The following CFAP298 variants were observed in gnomAD, a reference collection of about 807,000 sequenced individuals.
CFAP298 encodes the protein cilia and flagella associated protein 298, also known as cilia- and flagella-associated protein 298.
In CFAP298, 38 loss-of-function variants were observed where a neutral mutation model predicts 41.0. The ratio of observed to expected loss-of-function variants is 0.93; its 90% CI spans 0.72 to 1.22. The LOEUF is 1.22. CFAP298 is among the 50% of genes most tolerant of loss of function. The pLI is 0.00. For missense variants in CFAP298, 348 were observed against 360.3 expected (o/e 0.97, Z 0.28); for synonymous variants, 137 against 135.3 (o/e 1.01, Z -0.09).
chr21:32,604,653 G>C, intron 3 of CFAP298: 1 of 222,076 alleles, frequency 4.5e-6, no homozygotes, highest in South Asian at 7.5e-5. Flanking sequence ...GGCAGCAGGT[G>C]CTTCAGGACA....
In CFAP298 at chr21:32,607,726, TA is replaced by T; in HGVS notation, c.308-11del. 2 of 1,550,672 alleles carry T rather than the reference TA, an allele frequency of 1.3e-6. No homozygotes were observed. Among genetic ancestry groups the T allele is most frequent in the South Asian group, 1.1e-5 (1 of 87,086 alleles). Reference sequence around the variant, plus strand: ...ATCTTCTCATTTGGAGCTATAAAAATAAAAAGGAGAGAGGGAGAAAGAGCTG... The same window carrying T: ...ATCTTCTCATTTGGAGCTATAAAAATAAAAGGAGAGAGGGAGAAAGAGCTG... On this transcript the variant is annotated splice_polypyrimidine_tract_variant and intron_variant, in intron 2 of 6. Transcript: ENST00000290155.
At chr21:32,611,579 GC>G (rs1860654924) in intron 1 of CFAP298, among the ~76,000 whole-genome samples, 1 of 151,786 alleles carries the variant, frequency 6.6e-6, no homozygotes, top group Admixed American at 6.6e-5. Context: ...CAAAGCGGGT[GC>G]CCTGGAACCT....
At chr21:32,605,160 C>A (rs1274278648) in intron 3 of CFAP298, among the ~76,000 whole-genome samples, 5 of 152,150 alleles carry the variant, frequency 3.3e-5, no homozygotes, top group African/African-American at 1.2e-4. Flanking sequence ...GCTTGGGCAA[C>A]AGAATAAGAC....
rs2038710822 is a variant in CFAP298 at position 32,600,018 on chromosome 21, A to T, written c.*1845T>A. The stretch of plus-strand genomic sequence containing the variant: ...TCAGTAAGACTTTCTAATGATATTG[A>T]AGTAGTAGTTCCCTGAAAAGAGCTA... On this transcript the variant is annotated 3_prime_UTR_variant, in exon 7 of 7. Transcript: ENST00000290155. Among the ~76,000 whole-genome samples, 1 of 152,198 alleles carries T rather than the reference A, an allele frequency of 6.6e-6. No individual in the cohort carries two copies.
In CFAP298 at chr21:32,612,094, G is replaced by C; in HGVS notation, c.139+11C>G. ...CGATCTGTCCGGGATGGGCCCACCC[G>C]CGAGCCGCACCTGAGCAGAGGCGCT... is the stretch of plus-strand genomic sequence containing the variant. On this transcript the variant is annotated intron_variant, in intron 1 of 6. Transcript: ENST00000290155. 1 of 1,544,720 alleles carries C rather than the reference G, an allele frequency of 6.5e-7. No individual in the cohort carries two copies. The highest frequency in any genetic ancestry group is 8.7e-7 in the Non-Finnish European group (1 of 1,145,110).
intron 1 of CFAP298, among the ~76,000 whole-genome samples, chr21:32,611,181 G>A (rs1207273682): frequency 6.6e-6 from 1 of 151,244 alleles, no homozygotes; most frequent in Non-Finnish European, 1.5e-5. Flanking sequence ...GTGGGCGCCT[G>A]TAATCTCAGA....
intron 3 of CFAP298, among the ~76,000 whole-genome samples, chr21:32,606,732 AGTG>A (rs1280345435): frequency 6.6e-6 from 1 of 152,242 alleles, no homozygotes; most frequent in Non-Finnish European, 1.5e-5. Context: ...CAGAAGAAAA[AGTG>A]GTGATCAGTC....
intron 6 of CFAP298, 80 bp downstream of exon 6, chr21:32,602,192 G>A: frequency 7.2e-7 from 1 of 1,386,402 alleles, no homozygotes. Flanking sequence ...AGAGCTCACT[G>A]CTCCCCAGCA....
In CFAP298 at chr21:32,600,338, G is replaced by A. The variant is rs1214667503; in HGVS notation, c.*1525C>T. ...TTCAGAGAACAGCGCTTTGCTCTCA[G>A]GTCTGGGACCCACCCCCTGGGCAAG... On this transcript the variant is annotated 3_prime_UTR_variant, in exon 7 of 7. Transcript: ENST00000290155. 6.6e-6 allele frequency among the ~76,000 whole-genome samples: 1 copy of A among 152,252 alleles called. No homozygotes were observed. The highest frequency in any genetic ancestry group is 6.5e-5 in the Admixed American group (1 of 15,292).
chr21:32,602,588 A>G, intron 5 of CFAP298: 2 of 1,367,138 alleles, frequency 1.5e-6, no homozygotes, highest in Non-Finnish European at 1.9e-6. Context: ...GCACGATACC[A>G]TCTCTGTCTT....
In CFAP298 at chr21:32,599,406, C is replaced by A. The variant is rs761117833; in HGVS notation, c.*2457G>T. Among the ~76,000 whole-genome samples, 10 of 152,130 alleles carry A rather than the reference C, an allele frequency of 6.6e-5. No individual in the cohort carries two copies. Among genetic ancestry groups the A allele is most frequent in the Non-Finnish European group, 1.0e-4 (7 of 68,024 alleles). ...AGCATTCCTGGTCTCCATGAAAGAA[C>A]CACATAAGAAGACAAGTTATGTCAA... is the stretch of plus-strand genomic sequence containing the variant. On this transcript the variant is annotated 3_prime_UTR_variant, in exon 7 of 7. Transcript: ENST00000290155.
intron 2 of CFAP298, among the ~76,000 whole-genome samples, chr21:32,608,414 C>T (rs1423972021): frequency 6.6e-6 from 1 of 151,766 alleles, no homozygotes. Context: ...CCCAGCACTT[C>T]GGAAGGCCAA....
intron 1 of CFAP298, 23 bp from the exon 2 acceptor site, chr21:32,610,028 T>G (rs773676621): frequency 6.2e-7 from 1 of 1,603,202 alleles, no homozygotes; most frequent in South Asian, 1.1e-5. Context: ...TGAAAGACAG[T>G]ATCACAATCA....
intron 6 of CFAP298, 24 bp downstream of exon 6, chr21:32,602,248 G>GA (rs746477690): frequency 6.2e-7 from 1 of 1,609,978 alleles, no homozygotes; most frequent in Non-Finnish European, 8.5e-7. Context: ...CAGCACTGCA[G>GA]AAAGCCCATC....
At chr21:32,609,466 G>GGTCTCTAC (rs2038940670) in intron 2 of CFAP298, among the ~76,000 whole-genome samples, 1 of 152,156 alleles carries the variant, frequency 6.6e-6, no homozygotes, top group African/African-American at 2.4e-5. Context: ...GAGAAATGAC[G>GGTCTCTAC]AGGTCAATTT....
chr21:32,601,240 C>A lies in CFAP298; in HGVS notation c.*623G>T, dbSNP rs2038728694. The stretch of plus-strand genomic sequence containing the variant: ...CAGTCATCAGCTTTCCTCCAATAAA[C>A]CAGTTATCATGAGAATATAAAACAA... On this transcript the variant is annotated 3_prime_UTR_variant, in exon 7 of 7. Coordinates refer to ENST00000290155, the MANE Select transcript of CFAP298 (RefSeq NM_021254.4). Among the ~76,000 whole-genome samples, 2 of 150,808 alleles carry A rather than the reference C, an allele frequency of 1.3e-5. No individual in the cohort carries two copies. The highest frequency in any genetic ancestry group is 4.2e-4 in the South Asian group (2 of 4,774).
chr21:32,601,883 T>G lies in CFAP298; in HGVS notation c.853A>C (p.Ile285Leu). 6.2e-7 allele frequency: 1 copy of G among 1,608,964 alleles called. No individual in the cohort carries two copies. Among genetic ancestry groups the G allele is most frequent in the Non-Finnish European group, 8.5e-7 (1 of 1,175,408 alleles). ...GAACTTCATCTTGGTCTCCACTTTA[T>G]GTCTTTCACTCCATGAAAATGTCTT... is the stretch of plus-strand genomic sequence containing the variant. Reference protein sequence around the residue: ...LKRHFHGVKDIKWRPR With the variant: ...LKRHFHGVKDLKWRPR Residue 285 changes from isoleucine (I) to leucine (L), a missense_variant, in exon 7 of 7, where the codon ATA (isoleucine) becomes CTA (leucine). Ile to Leu is a conservative substitution (Grantham distance 5). Transcript: ENST00000290155.
rs1169365052 is a variant in CFAP298 at position 32,600,727 on chromosome 21, C to T, written c.*1136G>A. Among the ~76,000 whole-genome samples, 4 of 152,192 alleles carry T rather than the reference C, an allele frequency of 2.6e-5. No homozygotes were observed. The highest frequency in any genetic ancestry group is 4.4e-5 in the Non-Finnish European group (3 of 68,032). On this transcript the variant is annotated 3_prime_UTR_variant, in exon 7 of 7. Transcript: ENST00000290155. ...AGGATGATAGTGATCCCATCCATCC[C>T]GTGGTTGGTCACTGAGCTGCGTACG... is the stretch of plus-strand genomic sequence containing the variant.
intron 3 of CFAP298, among the ~76,000 whole-genome samples, chr21:32,606,818 C>T (rs2038876112): frequency 6.6e-6 from 1 of 152,174 alleles, no homozygotes; most frequent in Non-Finnish European, 1.5e-5. Context: ...ATACAGATAC[C>T]ACTTCTTTCA....
Sources: gnomAD v4.1 joint callset for allele counts (sites outside exome capture counted in the v4.1 genomes callset) on GRCh38, gnomAD v4.1.1 for gene constraint, MANE v1.5 for transcripts, NCBI Gene and HGNC (gene_info 2026-07-23, HGNC 2026-07-21) for gene names.